ST18: variants seen among roughly 807,000 people sequenced by gnomAD.
ST18 encodes suppression of tumorigenicity 18 protein.
In ST18, 50 loss-of-function variants were observed where a neutral mutation model predicts 110.0. That is an observed-to-expected ratio of 0.45 (90% CI 0.36 to 0.58). The LOEUF is 0.58. Among genes scored for constraint, ST18 ranks in the 20% least tolerant of loss-of-function variants. The pLI is 0.00. For missense variants in ST18, 1,306 were observed against 1,280.1 expected (o/e 1.02, Z -0.31); for synonymous variants, 461 against 452.4 (o/e 1.02, Z -0.24).
intron 15 of ST18, among the ~76,000 whole-genome samples, chr8:52,158,243 A>T (rs1218434786): frequency 6.6e-6 from 1 of 152,172 alleles, no homozygotes; most frequent in African/African-American, 2.4e-5. Context: ...GAGAAATGTG[A>T]TTAATTTCAT....
In ST18 at chr8:52,128,116, A is replaced by T. The variant is rs564573611; in HGVS notation, c.2667-1976T>A. Among the ~76,000 whole-genome samples, 8 of 152,038 alleles carry T rather than the reference A, an allele frequency of 5.3e-5. 1 individual carries two copies. In the South Asian group the frequency reaches 1.5e-3, roughly 28 times the overall value. ...CCCAAGTAGCTGGGATTATAGGTGC[A>T]CACCACCACACCTGGCTAATTTTTG... On this transcript the variant is annotated intron_variant, in intron 22 of 25. Coordinates refer to ENST00000689386, the MANE Select transcript of ST18 (RefSeq NM_001352837.2).
At chr8:52,269,220 G>T (rs937479368) in intron 2 of ST18, among the ~76,000 whole-genome samples, 13 of 152,198 alleles carry the variant, frequency 8.5e-5, no homozygotes, top group African/African-American at 2.7e-4. Flanking sequence ...TGGACTGAGG[G>T]TTTACACCCA....
intron 2 of ST18, among the ~76,000 whole-genome samples, chr8:52,290,165 A>G (rs146257080): frequency 1.3e-5 from 2 of 152,098 alleles, no homozygotes; most frequent in Admixed American, 1.3e-4. Flanking sequence ...GCCCAGCCAC[A>G]ACCACAAATC....
At chr8:52,324,033 T>C (rs981453041) in intron 2 of ST18, among the ~76,000 whole-genome samples, 2 of 152,166 alleles carry the variant, frequency 1.3e-5, no homozygotes, top group Non-Finnish European at 2.9e-5. Context: ...GCTTCACAGC[T>C]TGAAGCTCAA....
At chr8:52,366,648 C>A (rs1564589962) in intron 2 of ST18, among the ~76,000 whole-genome samples, 1 of 152,190 alleles carries the variant, frequency 6.6e-6, no homozygotes. Flanking sequence ...CAAAGATGCC[C>A]CTGCCTTCCC....
At chr8:52,326,988 C>A (rs535673464) in intron 2 of ST18, among the ~76,000 whole-genome samples, 1 of 152,316 alleles carries the variant, frequency 6.6e-6, no homozygotes, top group South Asian at 2.1e-4. Context: ...ACTGCCCACT[C>A]TCTCAAAGTG....
intron 9 of ST18, among the ~76,000 whole-genome samples, chr8:52,173,404 C>A (rs181582188): frequency 6.6e-6 from 1 of 152,160 alleles, no homozygotes; most frequent in African/African-American, 2.4e-5. Context: ...GAAGGCACCC[C>A]GTGAGGAGCC....
rs1171145059 is a variant in ST18 at position 52,110,853 on chromosome 8, A to G, written c.*2345T>C. ...ACATCAAAACTCGTTATCAATTTTT[A>G]TTTCCTACCATACACCAAATGTACA... On this transcript the variant is annotated 3_prime_UTR_variant, in exon 26 of 26. Coordinates refer to ENST00000689386, the MANE Select transcript of ST18 (RefSeq NM_001352837.2). The G allele has an allele frequency of 2.6e-6, 1 of 382,478 alleles. No homozygotes were observed. Among genetic ancestry groups the G allele is most frequent in the East Asian group, 3.7e-5 (1 of 27,360 alleles). 23.7% of individuals were successfully genotyped at this position (382,478 alleles called of 1,614,324 possible).
intron 2 of ST18, among the ~76,000 whole-genome samples, chr8:52,261,970 A>G (rs1239882130): frequency 2.0e-5 from 3 of 152,164 alleles, no homozygotes; most frequent in Non-Finnish European, 4.4e-5. Context: ...TTCTGTTGCT[A>G]TAAGAGAACA....
At chr8:52,210,082 C>T (rs1437744541) in intron 8 of ST18, 2 of 456,066 alleles carry the variant, frequency 4.4e-6, no homozygotes, top group East Asian at 7.0e-5. Context: ...TGTCCCTCAC[C>T]AGGTAAGTGG....
At chr8:52,404,842 TA>T (rs1564669112) in intron 2 of ST18, 3 of 152,178 alleles carry the variant, frequency 2.0e-5, no homozygotes, top group Non-Finnish European at 2.9e-5. Flanking sequence ...AATATCTTTT[TA>T]AAAAAATTAT....
intron 2 of ST18, among the ~76,000 whole-genome samples, chr8:52,242,503 G>A (rs181914078): frequency 1.3e-5 from 2 of 152,256 alleles, no homozygotes; most frequent in South Asian, 2.1e-4. Context: ...ATAGACTGTC[G>A]CCTTGGTGAC....
chr8:52,187,976 T>C (rs1005107237), intron 8 of ST18, among the ~76,000 whole-genome samples: 2 of 152,244 alleles, frequency 1.3e-5, no homozygotes, highest in African/African-American at 2.4e-5. Context: ...TCAATGTATA[T>C]GGACAGTACT....
intron 17 of ST18, chr8:52,137,686 T>A: frequency 3.9e-6 from 2 of 509,532 alleles, no homozygotes; most frequent in South Asian, 6.8e-5. Context: ...CATAGCATGA[T>A]GAGTTACTTC....
intron 8 of ST18, among the ~76,000 whole-genome samples, chr8:52,205,246 T>G (rs2079547876): frequency 6.6e-6 from 1 of 151,294 alleles, no homozygotes; most frequent in East Asian, 1.9e-4. Context: ...AACTATTTAG[T>G]CCTTTGTGGT....
chr8:52,128,051 C>T (rs1031680965), intron 22 of ST18, among the ~76,000 whole-genome samples: 1 of 152,144 alleles, frequency 6.6e-6, no homozygotes, highest in Non-Finnish European at 1.5e-5. Flanking sequence ...TCACTGCAAC[C>T]TCCACCTCCT....
chr8:52,114,093 C>G (rs1224744731), intron 25 of ST18, among the ~76,000 whole-genome samples: 1 of 150,964 alleles, frequency 6.6e-6, no homozygotes, highest in Non-Finnish European at 1.5e-5. Flanking sequence ...CCTCAGCCCC[C>G]CAAGTAGCTG....
rs1270086713 is a variant in ST18 at position 52,332,529 on chromosome 8, GC to G, written c.-465+76798del. On this transcript the variant is annotated intron_variant, in intron 2 of 25. Coordinates refer to ENST00000689386, the MANE Select transcript of ST18 (RefSeq NM_001352837.2). The stretch of plus-strand genomic sequence containing the variant: ...CACTTTCCCAAGAGCATCTAATGTA[GC>G]TTTTTTTTTTTTTTTTTTTTTTTTT... 5.8e-5 allele frequency among the ~76,000 whole-genome samples: 6 copies of G among 104,032 alleles called. No homozygotes were observed. The East Asian group carries it at 1.3e-3, about 23-fold the overall frequency. 68.2% of individuals were successfully genotyped at this position (104,032 alleles called of 152,430 possible).
intron 2 of ST18, among the ~76,000 whole-genome samples, chr8:52,378,694 G>T (rs1833351468): frequency 6.6e-6 from 1 of 152,088 alleles, no homozygotes; most frequent in South Asian, 2.1e-4. Context: ...CCTCTGACTG[G>T]TTTCCCTTTG....
Sources: allele counts gnomAD v4.1 joint callset (sites outside exome capture counted in the v4.1 genomes callset), GRCh38; gene constraint gnomAD v4.1.1; transcripts MANE v1.5; gene names NCBI Gene and HGNC (gene_info 2026-07-23, HGNC 2026-07-21).